The following CLEC17A variants were observed in gnomAD, a reference collection of about 807,000 sequenced individuals.
The protein encoded by CLEC17A is C-type lectin domain containing 17A.
CLEC17A carries 37 observed loss-of-function variants against 61.3 expected under a neutral mutation model. The ratio of observed to expected loss-of-function variants is 0.60; its 90% CI spans 0.46 to 0.79. CLEC17A has a LOEUF of 0.79. Ranked by LOEUF, CLEC17A falls within the 30% of genes least tolerant of loss-of-function variation. CLEC17A has a pLI of 0.00. For missense variants in CLEC17A, 418 were observed against 464.7 expected (o/e 0.90, Z 0.92); for synonymous variants, 168 against 164.9 (o/e 1.02, Z -0.14).
At position 14,591,556 on chromosome 19, in the gene CLEC17A, C is replaced by CTTT. The variant is rs143983644; in HGVS notation, c.200-712_200-710dup. On this transcript the variant is annotated intron_variant, in intron 3 of 13. Transcript: ENST00000417570. ...GCTATTGTCATTGTTTCTCCTTCCT[C>CTTT]TTTTTTTTTTTTTTTGAGACAGAAT... Among the ~76,000 whole-genome samples, 745 of 136,840 alleles carry CTTT rather than the reference C, an allele frequency of 5.4e-3. 18 individuals carry two copies. The highest frequency in any genetic ancestry group is 0.042 in the South Asian group (183 of 4,362). 89.8% of individuals were successfully genotyped at this position (136,840 alleles called of 152,430 possible).
chr19:14,584,247 G>A (rs1599526039), intron 2 of CLEC17A: 1 of 151,404 alleles, frequency 6.6e-6, no homozygotes, highest in Admixed American at 6.6e-5. Flanking sequence ...TTGGGAGCAG[G>A]GGACCACCAG....
chr19:14,607,171 G>T (rs2074900927), intron 13 of CLEC17A, 69 bp downstream of exon 13: 2 of 632,618 alleles, frequency 3.2e-6, no homozygotes, highest in African/African-American at 1.9e-5. Context: ...AGGGGAGAAG[G>T]TGATGGAGTA....
intron 13 of CLEC17A, 62 bp downstream of exon 13, chr19:14,607,164 G>A: frequency 4.1e-6 from 3 of 733,332 alleles, no homozygotes; most frequent in Non-Finnish European, 5.7e-6. Flanking sequence ...CATGGGGAGG[G>A]GAGAAGGTGA....
intron 12 of CLEC17A, among the ~76,000 whole-genome samples, chr19:14,601,501 G>A (rs542293428): frequency 1.3e-5 from 2 of 152,284 alleles, no homozygotes; most frequent in Non-Finnish European, 2.9e-5. Context: ...CAAGGTTCCA[G>A]TACATGTAAG....
At chr19:14,610,019 A>T (rs1467969082) in intron 13 of CLEC17A, 45 bp from the exon 14 acceptor site, 4 of 1,428,496 alleles carry the variant, frequency 2.8e-6, no homozygotes, top group Non-Finnish European at 3.9e-6. Flanking sequence ...GAGTTTCACC[A>T]CCCTAAAGAT....
At chr19:14,588,811 A>G (rs1166419770) in intron 3 of CLEC17A, among the ~76,000 whole-genome samples, 3 of 152,012 alleles carry the variant, frequency 2.0e-5, no homozygotes, top group Non-Finnish European at 4.4e-5. Flanking sequence ...GACAGGGGCC[A>G]TTCTATGAGG....
chr19:14,595,280 A>C lies in CLEC17A; in HGVS notation c.410A>C (p.Asn137Thr). 1.2e-6 allele frequency: 2 copies of C among 1,613,922 alleles called. No individual in the cohort carries two copies. Among genetic ancestry groups the C allele is most frequent in the African/African-American group, 2.7e-5 (2 of 75,036 alleles). Residue 137 changes from asparagine to threonine, a missense_variant, in exon 8 of 14, where the codon AAT (asparagine) becomes ACT (threonine). Asn to Thr is a moderately conservative substitution (Grantham distance 65). Transcript: ENST00000417570. Reference sequence around the variant, plus strand: ...CTCTCCCCCTTTCTCCCAGCTGTGAATCTTGAGCCTTCTCCATTGCAGCCA... The same window carrying C: ...CTCTCCCCCTTTCTCCCAGCTGTGACTCTTGAGCCTTCTCCATTGCAGCCA... The part of the protein sequence containing the change: ...VTCPPPQLAV[N>T]LEPSPLQPSL...
intron 3 of CLEC17A, among the ~76,000 whole-genome samples, chr19:14,589,186 C>A (rs2074357837): frequency 6.7e-6 from 1 of 148,198 alleles, no homozygotes; most frequent in South Asian, 2.1e-4. Context: ...CACATCATGA[C>A]CTTACCCACA....
rs1234127583 is a variant in CLEC17A, at chr19:14,611,080, T to C, written c.*884T>C. 1.3e-5 allele frequency: 2 copies of C among 151,694 alleles called. No homozygotes were observed. Among genetic ancestry groups the C allele is most frequent in the Non-Finnish European group, 2.9e-5 (2 of 67,980 alleles). 9.4% of individuals were successfully genotyped at this position (151,694 alleles called of 1,614,324 possible). On this transcript the variant is annotated 3_prime_UTR_variant, in exon 14 of 14. Coordinates refer to ENST00000417570, the MANE Select transcript of CLEC17A (RefSeq NM_001204118.2). ...TTTGAGCTAGACCTCTAGATCTGCC[T>C]CGCACAGAAATACATTAAGTGGGCT...
chr19:14,586,184 G>C (rs753486946), intron 2 of CLEC17A, among the ~76,000 whole-genome samples: 8 of 149,120 alleles, frequency 5.4e-5, no homozygotes, highest in Non-Finnish European at 7.4e-5. Flanking sequence ...GGAGTGCAAT[G>C]GTGCAATCTT....
chr19:14,588,455 T>C (rs1181744401), intron 3 of CLEC17A: 1 of 151,808 alleles, frequency 6.6e-6, no homozygotes, highest in Admixed American at 6.6e-5. Context: ...GTGAAGTATG[T>C]GATTGGGCAT....
chr19:14,595,979 T>A, intron 8 of CLEC17A, among the ~76,000 whole-genome samples: 1 of 150,698 alleles, frequency 6.6e-6, no homozygotes, highest in Non-Finnish European at 1.5e-5. Flanking sequence ...GACAATGTTG[T>A]TGGTAGAGAT....
chr19:14,599,549 G>A (rs1178935170), intron 10 of CLEC17A, 168 bp from the exon 11 acceptor site: 2 of 691,142 alleles, frequency 2.9e-6, no homozygotes, highest in Non-Finnish European at 5.3e-6. Context: ...GCCATTCTCG[G>A]ATTCTGAGCA....
intron 12 of CLEC17A, among the ~76,000 whole-genome samples, chr19:14,601,372 T>G (rs2074713001): frequency 6.6e-6 from 1 of 152,210 alleles, no homozygotes. Flanking sequence ...CTCACCTCCG[T>G]GCAACCAGAA....
rs375106903 is a variant in CLEC17A at position 14,592,483 on chromosome 19, C to A, written c.277+125C>A. On this transcript the variant is annotated intron_variant, in intron 4 of 13. Coordinates refer to ENST00000417570, the MANE Select transcript of CLEC17A (RefSeq NM_001204118.2). ...TATCCAGCCCATGCCAGGCACTGTG[C>A]AACACACACCCTGCCCAGGAGGACC... The A allele has an allele frequency of 2.3e-3, 3,442 of 1,518,840 alleles. 117 individuals are homozygous for A. In the South Asian group the frequency reaches 0.041, roughly 18 times the overall value. 94.1% of individuals were successfully genotyped at this position (1,518,840 alleles called of 1,614,324 possible). A position where few individuals can be genotyped will look rare whatever the true frequency, so the allele number is the denominator to read the frequency against.
chr19:14,583,620 TC>T (rs2074218886), intron 2 of CLEC17A, among the ~76,000 whole-genome samples, 186 bp downstream of exon 2: 1 of 151,680 alleles, frequency 6.6e-6, no homozygotes, highest in Non-Finnish European at 1.5e-5. Context: ...TTGGGCACAG[TC>T]TTGGTGAGCA....
chr19:14,591,084 T>C (rs540489558), intron 3 of CLEC17A, among the ~76,000 whole-genome samples: 31 of 152,036 alleles, frequency 2.0e-4, no homozygotes, highest in Non-Finnish European at 4.0e-4. Flanking sequence ...CAGGACTTGG[T>C]GCTCTGTAGG....
Position 14,592,270 on chromosome 19 carries a change from TCCCCTGGAAGGGA to T in CLEC17A, c.200-8_204del. 1 of 1,584,320 alleles carries T rather than the reference TCCCCTGGAAGGGA, an allele frequency of 6.3e-7. No individual in the cohort carries two copies. Among genetic ancestry groups the T allele is most frequent in the Non-Finnish European group, 8.6e-7 (1 of 1,164,746 alleles). On this transcript the variant is annotated splice_acceptor_variant and splice_polypyrimidine_tract_variant and coding_sequence_variant and intron_variant, in exon 4 of 14. Transcript: ENST00000417570. LOFTEE classifies it high-confidence loss of function. ...GAATGGCTGGGCTCTGACTTGCCTT[TCCCCTGGAAGGGA>T]CCATGGAGGAGGAGGAGGAGGATGA...
At chr19:14,592,506 A>G in intron 4 of CLEC17A, 148 bp downstream of exon 4, 1 of 1,482,118 alleles carries the variant, frequency 6.7e-7, no homozygotes. Context: ...GCCCAGGAGG[A>G]CCTGTCAGTC....
Sources: allele counts gnomAD v4.1 joint callset (sites outside exome capture counted in the v4.1 genomes callset), GRCh38; gene constraint gnomAD v4.1.1; transcripts MANE v1.5; gene names NCBI Gene and HGNC (gene_info 2026-07-23, HGNC 2026-07-21).